The following HEXB variants were observed in gnomAD, a reference collection of about 807,000 sequenced individuals.
The protein encoded by HEXB is hexosaminidase subunit beta.
Under a neutral mutation model 71.2 loss-of-function variants are expected in HEXB, and 51 were observed. The observed-to-expected ratio is 0.72, with a 90% confidence interval of 0.57 to 0.90. The LOEUF (loss-of-function observed/expected upper bound fraction) is 0.90, where lower values mean the gene tolerates loss of function less well. HEXB is among the 40% of genes least tolerant of loss of function. HEXB has a pLI of 0.00. For synonymous variants in HEXB, 266 were observed against 249.3 expected (o/e 1.07, Z -0.63); for missense variants, 617 against 677.0 (o/e 0.91, Z 0.98).
intron 6 of HEXB, among the ~76,000 whole-genome samples, chr5:74,706,330 T>C (rs946811212): frequency 6.6e-6 from 1 of 152,176 alleles, no homozygotes; most frequent in African/African-American, 2.4e-5. Flanking sequence ...GATGGCCGAA[T>C]AGGAACAGCT....
At chr5:74,645,814 G>A (rs182740046) in intron 1 of HEXB, among the ~76,000 whole-genome samples, 22 of 152,240 alleles carry the variant, frequency 1.4e-4, no homozygotes, top group East Asian at 7.7e-4. Flanking sequence ...TTAAAACAGC[G>A]CTTATTATTT....
At chr5:74,669,029 T>C (rs1335498810) in intron 1 of HEXB, among the ~76,000 whole-genome samples, 1 of 152,124 alleles carries the variant, frequency 6.6e-6, no homozygotes, top group Non-Finnish European at 1.5e-5. Context: ...CAGCACAATC[T>C]CGGCTCACCA....
chr5:74,720,613 T>A (rs1209986604), intron 12 of HEXB, 30 bp from the exon 13 acceptor site: 1 of 1,604,574 alleles, frequency 6.2e-7, no homozygotes, highest in Non-Finnish European at 8.5e-7. Flanking sequence ...TTTAAACTGC[T>A]TGCGGGGGGA....
chr5:74,704,323 A>T (rs1485327704), intron 5 of HEXB, among the ~76,000 whole-genome samples: 1 of 152,122 alleles, frequency 6.6e-6, no homozygotes, highest in Non-Finnish European at 1.5e-5. Context: ...ATGAAGAGGG[A>T]GTCTTTAAGT....
chr5:74,713,871 C>T lies in HEXB; in HGVS notation c.901+236C>T, dbSNP rs557546516. ...TGTTTTGTTTTTTGAGACGGAGTCTCACTCCGTTGCCCAGGCTGGAGTGCA... is the reference window on the plus strand; with the variant it reads ...TGTTTTGTTTTTTGAGACGGAGTCTTACTCCGTTGCCCAGGCTGGAGTGCA... On this transcript the variant is annotated intron_variant, in intron 7 of 13. Transcript: ENST00000261416. 7.3e-5 allele frequency among the ~76,000 whole-genome samples: 11 copies of T among 151,482 alleles called. No individual in the cohort carries two copies. In the South Asian group the frequency reaches 8.4e-4, roughly 12 times the overall value.
intron 1 of HEXB, among the ~76,000 whole-genome samples, chr5:74,673,943 T>C (rs1748584875): frequency 6.6e-6 from 1 of 152,120 alleles, no homozygotes; most frequent in Admixed American, 6.5e-5. Context: ...TTCTGTTCTG[T>C]CAATCTACAA....
intron 1 of HEXB, among the ~76,000 whole-genome samples, chr5:74,672,784 C>T (rs575074119): frequency 2.0e-5 from 3 of 152,316 alleles, no homozygotes; most frequent in South Asian, 2.1e-4. Context: ...AGTCCCCTCC[C>T]GGTTCAGCTT....
At chr5:74,663,827 TA>T (rs960790615) in intron 1 of HEXB, among the ~76,000 whole-genome samples, 2 of 152,124 alleles carry the variant, frequency 1.3e-5, no homozygotes, top group Non-Finnish European at 2.9e-5. Context: ...ATGGATTACT[TA>T]AAAATGGAAT....
intron 1 of HEXB, among the ~76,000 whole-genome samples, chr5:74,651,218 G>C (rs985806661): frequency 1.3e-5 from 2 of 152,166 alleles, no homozygotes; most frequent in Admixed American, 6.6e-5. Context: ...CTTTGCCCAG[G>C]ATCACATATT....
intron 5 of HEXB, among the ~76,000 whole-genome samples, chr5:74,698,050 A>G (rs1353549645): frequency 6.6e-6 from 1 of 151,436 alleles, no homozygotes; most frequent in Non-Finnish European, 1.5e-5. Context: ...TGATGAAACT[A>G]TGCTATTTAA....
At chr5:74,691,245 G>A (rs1446538608) in intron 2 of HEXB, among the ~76,000 whole-genome samples, 1 of 152,188 alleles carries the variant, frequency 6.6e-6, no homozygotes, top group Non-Finnish European at 1.5e-5. Flanking sequence ...TGTCCAGAGT[G>A]GGAGGACATG....
chr5:74,696,227 G>C (rs928371753), intron 3 of HEXB, among the ~76,000 whole-genome samples: 2 of 152,198 alleles, frequency 1.3e-5, no homozygotes, highest in Admixed American at 1.3e-4. Flanking sequence ...AGTCTTTGCA[G>C]CTATAAGTAA....
rs574467134 is a variant in HEXB at position 74,678,811 on chromosome 5, A to T, written c.-376-10517A>T. Among the ~76,000 whole-genome samples, 20 of 152,342 alleles carry T rather than the reference A, an allele frequency of 1.3e-4. No individual in the cohort carries two copies. In the East Asian group the frequency reaches 3.9e-3, roughly 29 times the overall value. ...AGAAAATATTTGTAATATACAGCAC[A>T]GATGGATACTCCATTTAAAAATCAC... On this transcript the variant is annotated intron_variant, in intron 1 of 13. Transcript: ENST00000511181.
chr5:74,664,448 A>AAAAACAAAAAC (rs1748396571), intron 1 of HEXB, among the ~76,000 whole-genome samples: 5 of 126,540 alleles, frequency 4.0e-5, no homozygotes, highest in South Asian at 2.5e-4. Context: ...AAAAAAAAAA[A>AAAAACAAAAAC]AAAAACAGAG....
chr5:74,703,379 T>C (rs1446364824), intron 5 of HEXB, among the ~76,000 whole-genome samples: 1 of 152,226 alleles, frequency 6.6e-6, no homozygotes, highest in African/African-American at 2.4e-5. Context: ...CACATGATGT[T>C]TCAGGCCTGT....
intron 1 of HEXB, among the ~76,000 whole-genome samples, chr5:74,642,636 A>T (rs1186294693): frequency 6.6e-6 from 1 of 152,016 alleles, no homozygotes; most frequent in African/African-American, 2.4e-5. Flanking sequence ...CGGCACCTAG[A>T]TGACCTTGCC....
intron 1 of HEXB, among the ~76,000 whole-genome samples, chr5:74,664,430 T>TA (rs397998152): frequency 0.06 from 4,730 of 79,452 alleles, 395 homozygotes; most frequent in African/African-American, 0.16. Flanking sequence ...ATTCTATCTC[T>TA]AAAAAAAAAA....
chr5:74,681,697 A>C (rs1336950645), upstream of HEXB, among the ~76,000 whole-genome samples: 1 of 152,212 alleles, frequency 6.6e-6, no homozygotes, highest in Non-Finnish European at 1.5e-5. Context: ...GGCTTGGTGA[A>C]TGTAACTCCA....
intron 5 of HEXB, 131 bp from the exon 6 acceptor site, chr5:74,705,088 T>C: frequency 1.8e-6 from 1 of 560,650 alleles, no homozygotes; most frequent in Non-Finnish European, 3.1e-6. Context: ...TGAGACCCTG[T>C]CTCAAAAAAA....
Sources: gnomAD v4.1 joint callset for allele counts (sites outside exome capture counted in the v4.1 genomes callset) on GRCh38, gnomAD v4.1.1 for gene constraint, MANE v1.5 for transcripts, NCBI Gene and HGNC (gene_info 2026-07-23, HGNC 2026-07-21) for gene names.